Variants in SYN3 observed in about 807,000 individuals in gnomAD.
SYN3 encodes synapsin III.
A neutral mutation model predicts 65.8 loss-of-function variants in SYN3; 35 were observed. The observed-to-expected ratio is 0.53, with a 90% confidence interval of 0.41 to 0.70. The LOEUF (loss-of-function observed/expected upper bound fraction) is 0.70. Ranked by LOEUF, SYN3 falls within the 30% of genes least tolerant of loss-of-function variation. The probability of loss-of-function intolerance (pLI) is 0.00; values close to 1 mark genes in which losing one functional copy is unlikely to be tolerated. For synonymous variants in SYN3, 270 were observed against 292.9 expected (o/e 0.92, Z 0.80); for missense variants, 680 against 749.0 (o/e 0.91, Z 1.08).
chr22:32,766,921 C>T lies in SYN3; in HGVS notation c.711+97994G>A, dbSNP rs980941910. On this transcript the variant is annotated intron_variant, in intron 6 of 13. Transcript: ENST00000358763. ...CGCTGATACTAAAATACAGGACTTA[C>T]GTGTGCAATTCTGATAGACAGTTGG... 1.9e-4 allele frequency among the ~76,000 whole-genome samples: 29 copies of T among 152,344 alleles called. No homozygotes were observed. In the South Asian group the frequency reaches 3.5e-3, roughly 19 times the overall value.
At chr22:32,673,361 C>A (rs2060397966) in intron 6 of SYN3, among the ~76,000 whole-genome samples, 1 of 152,180 alleles carries the variant, frequency 6.6e-6, no homozygotes, top group African/African-American at 2.4e-5. Context: ...AAGGGTTGCC[C>A]CCAACACAGC....
At chr22:32,840,028 C>T (rs977904604) in intron 6 of SYN3, among the ~76,000 whole-genome samples, 2 of 152,026 alleles carry the variant, frequency 1.3e-5, no homozygotes, top group African/African-American at 4.8e-5. Flanking sequence ...ACAGGGCATC[C>T]CCAGGACAGA....
chr22:32,733,969 G>T (rs989193630), intron 6 of SYN3, among the ~76,000 whole-genome samples: 1 of 66 alleles, frequency 0.015, no homozygotes, highest in African/African-American at 0.083. Flanking sequence ...AGGACCAAAA[G>T]CCAGGCTGAG....
At chr22:32,591,498 C>G (rs1214221243) in intron 7 of SYN3, among the ~76,000 whole-genome samples, 3 of 152,194 alleles carry the variant, frequency 2.0e-5, no homozygotes, top group Non-Finnish European at 4.4e-5. Flanking sequence ...CTAAGAAGTT[C>G]TGCGCTAAAA....
At chr22:32,544,088 A>G (rs1476577062) in intron 7 of SYN3, among the ~76,000 whole-genome samples, 2 of 152,148 alleles carry the variant, frequency 1.3e-5, no homozygotes, top group African/African-American at 4.8e-5. Flanking sequence ...ACAGGCGTGC[A>G]CCACCATGCC....
At chr22:32,707,098 A>G (rs1418126253) in intron 6 of SYN3, among the ~76,000 whole-genome samples, 1 of 152,180 alleles carries the variant, frequency 6.6e-6, no homozygotes, top group African/African-American at 2.4e-5. Context: ...TCTCATGTGC[A>G]TACATTGCTT....
At chr22:32,533,672 G>A in intron 10 of SYN3, 121 bp downstream of exon 10, 2 of 647,094 alleles carry the variant, frequency 3.1e-6, no homozygotes, top group South Asian at 3.7e-5. Flanking sequence ...TGAGGCCTGG[G>A]TTGCGTGTGC....
chr22:32,908,473 C>T (rs983246757), intron 4 of SYN3, among the ~76,000 whole-genome samples: 1 of 148,348 alleles, frequency 6.7e-6, no homozygotes, highest in African/African-American at 2.5e-5. Context: ...TCACTGCAAC[C>T]TTTTAACTCC....
chr22:32,599,352 C>T (rs1005720021), intron 6 of SYN3, among the ~76,000 whole-genome samples: 2 of 150,666 alleles, frequency 1.3e-5, no homozygotes, highest in African/African-American at 4.9e-5. Context: ...GGCAGAGTCT[C>T]GCTTTGTCGC....
At chr22:32,897,347 G>A (rs1033772391) in intron 4 of SYN3, among the ~76,000 whole-genome samples, 2 of 152,160 alleles carry the variant, frequency 1.3e-5, no homozygotes, top group African/African-American at 2.4e-5. Context: ...TTAAGAGCTG[G>A]GCTGCTCTCT....
intron 6 of SYN3, among the ~76,000 whole-genome samples, chr22:32,654,289 T>C (rs984833366): frequency 3.3e-5 from 5 of 152,218 alleles, no homozygotes; most frequent in Admixed American, 3.3e-4. Flanking sequence ...GTCTGGACTG[T>C]ACTACTACTC....
chr22:32,893,941 C>CACAGATGATGGT (rs2049519056), intron 4 of SYN3, among the ~76,000 whole-genome samples: 1 of 152,084 alleles, frequency 6.6e-6, no homozygotes, highest in Non-Finnish European at 1.5e-5. Flanking sequence ...TCATCAAGAG[C>CACAGATGATGGT]ACAGATGATG....
At chr22:32,712,551 G>A (rs1050855000) in intron 6 of SYN3, among the ~76,000 whole-genome samples, 13 of 151,928 alleles carry the variant, frequency 8.6e-5, no homozygotes, top group Non-Finnish European at 8.8e-5. Flanking sequence ...TAATCAGCCC[G>A]AGCGGGGATA....
At chr22:32,688,970 C>A (rs1292665403) in intron 6 of SYN3, among the ~76,000 whole-genome samples, 2 of 152,180 alleles carry the variant, frequency 1.3e-5, no homozygotes, top group Non-Finnish European at 2.9e-5. Context: ...CGACCTAAGA[C>A]CCCAAGCCTC....
chr22:32,598,862 A>C (rs936290073), intron 6 of SYN3, among the ~76,000 whole-genome samples: 1 of 152,140 alleles, frequency 6.6e-6, no homozygotes, highest in African/African-American at 2.4e-5. Flanking sequence ...ATACATGTTA[A>C]AAAAACAGCA....
At chr22:32,759,840 A>C (rs1320150256) in intron 6 of SYN3, among the ~76,000 whole-genome samples, 1 of 46,726 alleles carries the variant, frequency 2.1e-5, no homozygotes, top group Non-Finnish European at 4.1e-5. Flanking sequence ...GCCAGCACCC[A>C]CCCACCACCA....
chr22:33,000,650 TC>T (rs2053032932), intron 2 of SYN3, among the ~76,000 whole-genome samples: 1 of 152,186 alleles, frequency 6.6e-6, no homozygotes, highest in Admixed American at 6.5e-5. Context: ...AGCATCATCG[TC>T]CCCGTTGGGG....
At chr22:33,002,599 G>A (rs891632219) in intron 2 of SYN3, among the ~76,000 whole-genome samples, 3 of 152,084 alleles carry the variant, frequency 2.0e-5, no homozygotes, top group Non-Finnish European at 2.9e-5. Context: ...AGCTGAGATC[G>A]TGCCACTGCA....
intron 1 of SYN3, among the ~76,000 whole-genome samples, chr22:33,042,660 C>CT (rs1340831634): frequency 1.3e-5 from 2 of 152,316 alleles, no homozygotes; most frequent in South Asian, 4.1e-4. Context: ...CCCCAGCATG[C>CT]TGCTGCACCC....
Sources: allele counts gnomAD v4.1 joint callset (sites outside exome capture counted in the v4.1 genomes callset), GRCh38; gene constraint gnomAD v4.1.1; transcripts MANE v1.5; gene names NCBI Gene and HGNC (gene_info 2026-07-23, HGNC 2026-07-21).